CALD1: variants seen among roughly 807,000 people sequenced by gnomAD.
CALD1 encodes the protein caldesmon.
Under a neutral mutation model 99.9 loss-of-function variants are expected in CALD1, and 33 were observed. That is an observed-to-expected ratio of 0.33 (90% CI 0.25 to 0.44). The LOEUF is 0.44. Ranked by LOEUF, CALD1 falls within the 20% of genes least tolerant of loss-of-function variation. The pLI is 1.00. For missense variants in CALD1, 861 were observed against 962.1 expected (o/e 0.89, Z 1.39); for synonymous variants, 310 against 325.0 (o/e 0.95, Z 0.50).
At chr7:134,744,174 A>G (rs1796614966), upstream of CALD1, 1 of 152,140 alleles carries the variant, frequency 6.6e-6, no homozygotes, top group Admixed American at 6.5e-5. Context: ...GTAATGAGAG[A>G]GATTTTTATT....
intron 1 of CALD1, among the ~76,000 whole-genome samples, chr7:134,807,473 C>T (rs1798187877): frequency 6.6e-6 from 1 of 152,188 alleles, no homozygotes; most frequent in Non-Finnish European, 1.5e-5. Flanking sequence ...TGCTCCTACC[C>T]TCACCCCACT....
chr7:134,944,240 T>G (rs991775185), intron 7 of CALD1, among the ~76,000 whole-genome samples: 1 of 152,210 alleles, frequency 6.6e-6, no homozygotes, highest in Non-Finnish European at 1.5e-5. Flanking sequence ...GGCATGAGCC[T>G]AGACCAATAG....
At chr7:134,870,867 G>C (rs764617544) in intron 3 of CALD1, among the ~76,000 whole-genome samples, 4 of 152,058 alleles carry the variant, frequency 2.6e-5, no homozygotes, top group Non-Finnish European at 5.9e-5. Context: ...GTAAGCCCAT[G>C]ACCACCCTTC....
rs1052152398 is a variant in CALD1, at chr7:134,933,414, A to G, written c.645A>G (p.Lys215=). The G allele has an allele frequency of 6.2e-7, 1 of 1,613,434 alleles. No homozygotes were observed. The highest frequency in any genetic ancestry group is 1.3e-5 in the African/African-American group (1 of 74,952). ...ENQVEVMVEE[K]TTESQEETVV... ...AGGTAGAGGTGATGGTGGAAGAGAA[A>G]ACAACTGAAAGCCAGGAGGAAACAG... The change falls in exon 5 of 15, where the codon AAA becomes AAG. Residue 215 remains lysine, a synonymous_variant. Transcript: ENST00000361675.
intron 1 of CALD1, among the ~76,000 whole-genome samples, chr7:134,747,862 T>C (rs1479070672): frequency 6.6e-6 from 1 of 152,194 alleles, no homozygotes; most frequent in Non-Finnish European, 1.5e-5. Context: ...AGTGGAACCA[T>C]GCGAGTGGGG....
chr7:134,711,660 C>CTCTATATATATATATA, the CALD1 span, among the ~76,000 whole-genome samples: 2 of 78,348 alleles, frequency 2.6e-5, no homozygotes, highest in African/African-American at 1.2e-4. Flanking sequence ...CTCTCTCTCT[C>CTCTATATATATATATA]TATATATATA....
In CALD1 at chr7:134,970,572, T is replaced by A. The variant is rs1343379715; in HGVS notation, c.*2227T>A. 6.6e-6 allele frequency: 1 copy of A among 152,658 alleles called. No homozygotes were observed. The highest frequency in any genetic ancestry group is 1.9e-4 in the East Asian group (1 of 5,202). 9.5% of individuals were successfully genotyped at this position (152,658 alleles called of 1,614,324 possible). A position where few individuals can be genotyped will look rare whatever the true frequency, so the allele number is the denominator to read the frequency against. On this transcript the variant is annotated 3_prime_UTR_variant, in exon 15 of 15. Coordinates refer to ENST00000361675, the MANE Select transcript of CALD1 (RefSeq NM_033138.4). ...ATAAACACTTGATACTTTTCACTGA[T>A]AATGGATCGCTCCAATAAACATATA... is the stretch of plus-strand genomic sequence containing the variant.
chr7:134,792,202 CCTCT>C (rs944304035), intron 1 of CALD1, among the ~76,000 whole-genome samples: 2 of 152,128 alleles, frequency 1.3e-5, no homozygotes, highest in African/African-American at 4.8e-5. Flanking sequence ...CTGTTCCAGC[CCTCT>C]CTGTTTCACT....
intron 1 of CALD1, among the ~76,000 whole-genome samples, chr7:134,752,080 A>C (rs716180): frequency 0.68 from 104,096 of 152,124 alleles, 36,345 homozygotes; most frequent in East Asian, 0.99. Flanking sequence ...CTCAAGACAT[A>C]CTGGGAGGAG....
intron 1 of CALD1, among the ~76,000 whole-genome samples, chr7:134,815,415 T>C (rs536877126): frequency 1.3e-5 from 2 of 152,292 alleles, no homozygotes; most frequent in Non-Finnish European, 2.9e-5. Flanking sequence ...CCAGTCCCAG[T>C]GCCTCCTGGA....
chr7:134,804,923 C>T (rs1381994110), intron 1 of CALD1, among the ~76,000 whole-genome samples: 3 of 152,160 alleles, frequency 2.0e-5, no homozygotes, highest in Non-Finnish European at 4.4e-5. Context: ...AGTTTTATTA[C>T]TGCTAAAATC....
upstream of CALD1, among the ~76,000 whole-genome samples, chr7:134,740,754 C>T (rs539939577): frequency 7.2e-5 from 11 of 152,284 alleles, no homozygotes; most frequent in Admixed American, 3.9e-4. Context: ...TGCTGGTAAC[C>T]TTTTTCGTGC....
At chr7:134,922,508 A>G (rs1261006217) in intron 3 of CALD1, among the ~76,000 whole-genome samples, 1 of 152,266 alleles carries the variant, frequency 6.6e-6, no homozygotes, top group African/African-American at 2.4e-5. Flanking sequence ...GAGTAAAAAA[A>G]TCAAACAAGA....
At chr7:134,728,076 GT>G in the CALD1 span, among the ~76,000 whole-genome samples, 348 of 152,104 alleles carry the variant, frequency 2.3e-3, 2 homozygotes, top group African/African-American at 7.9e-3. Context: ...GATTTTCTTT[GT>G]ATTCAGCATG....
At chr7:134,813,605 G>A (rs1156750467) in intron 1 of CALD1, among the ~76,000 whole-genome samples, 1 of 152,140 alleles carries the variant, frequency 6.6e-6, no homozygotes, top group African/African-American at 2.4e-5. Flanking sequence ...GCTCTTATCT[G>A]ATTGCCTCTA....
chr7:134,860,136 A>G (rs1037466239), intron 2 of CALD1, among the ~76,000 whole-genome samples: 4 of 152,188 alleles, frequency 2.6e-5, no homozygotes, highest in African/African-American at 9.7e-5. Flanking sequence ...TCTTATTTCT[A>G]TGCTGCTGTT....
At chr7:134,834,754 T>C (rs1799365972) in intron 1 of CALD1, among the ~76,000 whole-genome samples, 3 of 152,226 alleles carry the variant, frequency 2.0e-5, no homozygotes, top group Non-Finnish European at 2.9e-5. Flanking sequence ...ATCTGATTGA[T>C]GATAGAAGCA....
chr7:134,908,847 A>T (rs1001742324), intron 3 of CALD1, among the ~76,000 whole-genome samples: 7 of 152,158 alleles, frequency 4.6e-5, no homozygotes, highest in African/African-American at 1.4e-4. Flanking sequence ...CAAGTTAGAC[A>T]GGTTTCCTCC....
intron 1 of CALD1, among the ~76,000 whole-genome samples, chr7:134,830,762 C>A (rs1270433771): frequency 6.6e-6 from 1 of 152,116 alleles, no homozygotes; most frequent in Non-Finnish European, 1.5e-5. Context: ...TTTTTAAAGG[C>A]AATATATTTT....
Sources: allele counts gnomAD v4.1 joint callset (sites outside exome capture counted in the v4.1 genomes callset), GRCh38; gene constraint gnomAD v4.1.1; transcripts MANE v1.5; gene names NCBI Gene and HGNC (gene_info 2026-07-23, HGNC 2026-07-21).